The following BHMT variants were observed in gnomAD, a reference collection of about 807,000 sequenced individuals.
BHMT encodes betaine--homocysteine S-methyltransferase 1.
BHMT carries 38 observed loss-of-function variants against 49.5 expected under a neutral mutation model. The ratio of observed to expected loss-of-function variants is 0.77; its 90% CI spans 0.59 to 1.01. The LOEUF is 1.01. Among genes scored for constraint, BHMT ranks in the 50% least tolerant of loss-of-function variants. The probability of loss-of-function intolerance (pLI) is 0.00; values close to 1 mark genes in which losing one functional copy is unlikely to be tolerated. For missense variants in BHMT, 426 were observed against 495.7 expected (o/e 0.86, Z 1.34); for synonymous variants, 166 against 176.3 (o/e 0.94, Z 0.46).
chr5:79,117,621 TTACTC>T (rs1390100122), intron 2 of BHMT, among the ~76,000 whole-genome samples: 1 of 152,232 alleles, frequency 6.6e-6, no homozygotes, highest in Admixed American at 6.5e-5. Flanking sequence ...TATGTTCCAG[TTACTC>T]TACTCTACTA....
Position 79,127,842 on chromosome 5 carries a change from G to T in BHMT, c.896G>T (p.Cys299Phe), listed in dbSNP as rs776616006. 3 of 1,614,092 alleles carry T rather than the reference G, an allele frequency of 1.9e-6. No individual in the cohort carries two copies. Among genetic ancestry groups the T allele is most frequent in the Non-Finnish European group, 2.5e-6 (3 of 1,179,986 alleles). Residue 299 changes from cysteine to phenylalanine, a missense_variant, in exon 7 of 8, where the codon TGC becomes TTC. Cys to Phe is a radical substitution (Grantham distance 205). Transcript: ENST00000274353. ...YNLGVRYIGG[C>F]CGFEPYHIRA... ...CTGGGGGTCAGGTACATTGGCGGGT[G>T]CTGTGGATTTGAGCCCTACCACATC...
chr5:79,125,804 G>A (rs963163919), intron 5 of BHMT, among the ~76,000 whole-genome samples: 1 of 152,030 alleles, frequency 6.6e-6, no homozygotes, highest in African/African-American at 2.4e-5. Flanking sequence ...TTAGCCAGAC[G>A]TGGTGGCACA....
chr5:79,116,150 C>T (rs578139197), intron 2 of BHMT: 4 of 306,246 alleles, frequency 1.3e-5, no homozygotes, highest in Non-Finnish European at 2.3e-5. Flanking sequence ...CTATTTTATG[C>T]AAATGATTTT....
At chr5:79,112,433 C>G (rs1756317040) in intron 1 of BHMT, among the ~76,000 whole-genome samples, 1 of 152,220 alleles carries the variant, frequency 6.6e-6, no homozygotes, top group Non-Finnish European at 1.5e-5. Flanking sequence ...CCCGGCGCGC[C>G]CAGAACAGGG....
At chr5:79,125,150 A>T (rs937889340) in intron 5 of BHMT, among the ~76,000 whole-genome samples, 3 of 151,708 alleles carry the variant, frequency 2.0e-5, no homozygotes, top group African/African-American at 7.2e-5. Flanking sequence ...AATTCTAATA[A>T]TTTTTTTTTG....
At chr5:79,124,940 T>C (rs1756527367) in intron 5 of BHMT, among the ~76,000 whole-genome samples, 1 of 152,172 alleles carries the variant, frequency 6.6e-6, no homozygotes, top group Non-Finnish European at 1.5e-5. Flanking sequence ...TTTTTCTAAA[T>C]TACATTCTGC....
In BHMT at chr5:79,131,517, T is replaced by C. The variant is rs1211599868; in HGVS notation, c.*401T>C. The C allele has an allele frequency of 6.4e-6, 1 of 155,468 alleles. No individual in the cohort carries two copies. The highest frequency in any genetic ancestry group is 6.5e-5 in the Admixed American group (1 of 15,408). The allele number at this position is 155,468 out of a possible 1,614,324, so 9.6% of individuals were successfully genotyped here. ...CAGATAAAGCGCTATGGAAAGGGGCTTCCAAGTTCTTTTGAACATGACCCT... is the reference window on the plus strand; with the variant it reads ...CAGATAAAGCGCTATGGAAAGGGGCCTCCAAGTTCTTTTGAACATGACCCT... On this transcript the variant is annotated 3_prime_UTR_variant, in exon 8 of 8. Transcript: ENST00000274353.
At chr5:79,117,704 A>G (rs1756407038) in intron 2 of BHMT, among the ~76,000 whole-genome samples, 1 of 152,216 alleles carries the variant, frequency 6.6e-6, no homozygotes, top group African/African-American at 2.4e-5. Flanking sequence ...TAAGAACTTC[A>G]GTGTCCTAGT....
At chr5:79,125,661 G>A (rs2112730788) in intron 5 of BHMT, among the ~76,000 whole-genome samples, 1 of 152,194 alleles carries the variant, frequency 6.6e-6, no homozygotes, top group East Asian at 1.9e-4. Flanking sequence ...CTTCCTGCTG[G>A]GTGTGGTGGC....
At chr5:79,128,742 C>T (rs1756593344) in intron 7 of BHMT, among the ~76,000 whole-genome samples, 1 of 151,956 alleles carries the variant, frequency 6.6e-6, no homozygotes, top group South Asian at 2.1e-4. Flanking sequence ...GCAAATAAGA[C>T]AGGCAAGGTC....
chr5:79,126,918 G>A (rs1246484440), intron 6 of BHMT, among the ~76,000 whole-genome samples: 1 of 151,826 alleles, frequency 6.6e-6, no homozygotes, highest in Non-Finnish European at 1.5e-5. Context: ...TCCTTCTAAG[G>A]TCTTTACACC....
chr5:79,121,090 G>T, intron 4 of BHMT, 128 bp from the exon 5 acceptor site: 3 of 1,131,624 alleles, frequency 2.7e-6, no homozygotes, highest in Admixed American at 2.4e-5. Flanking sequence ...GGCAAATGTT[G>T]CAGTGAGCCG....
At chr5:79,116,702 A>G (rs1756390256) in intron 2 of BHMT, among the ~76,000 whole-genome samples, 1 of 152,180 alleles carries the variant, frequency 6.6e-6, no homozygotes, top group South Asian at 2.1e-4. Context: ...CTAATCTCCA[A>G]CTATGCCATG....
At chr5:79,123,738 G>A (rs1339230375) in intron 5 of BHMT, among the ~76,000 whole-genome samples, 1 of 152,066 alleles carries the variant, frequency 6.6e-6, no homozygotes, top group Non-Finnish European at 1.5e-5. Flanking sequence ...TTTTAGTAGA[G>A]ACGGGGTTTC....
chr5:79,112,192 T>A (rs1179329708), intron 1 of BHMT, among the ~76,000 whole-genome samples: 1 of 151,958 alleles, frequency 6.6e-6, no homozygotes, highest in Non-Finnish European at 1.5e-5. Flanking sequence ...TGGACCAGAG[T>A]GCGCCCCAGA....
chr5:79,126,092 T>G lies in BHMT; in HGVS notation c.672T>G (p.Ser224Arg). The G allele has an allele frequency of 6.2e-7, 1 of 1,612,640 alleles. No individual in the cohort carries two copies. Among genetic ancestry groups the G allele is most frequent in the Non-Finnish European group, 8.5e-7 (1 of 1,178,776 alleles). ...ACTGCCACTTTGACCCCACCATTAG[T>G]TTAAAAACAGTGAAGCTCATGAAGG... is the stretch of plus-strand genomic sequence containing the variant. ...GVNCHFDPTI[S>R]LKTVKLMKEG... is the part of the protein sequence containing the mutation. Residue 224 changes from serine to arginine, a missense_variant, in exon 6 of 8, where the codon AGT becomes AGG. Physicochemically the swap from Ser to Arg is moderately radical, Grantham distance 110 (BLOSUM62 -1). Transcript: ENST00000274353.
intron 5 of BHMT, among the ~76,000 whole-genome samples, chr5:79,121,590 G>T (rs570796640): frequency 6.6e-6 from 1 of 152,092 alleles, no homozygotes; most frequent in Non-Finnish European, 1.5e-5. Context: ...AGAGACGGGT[G>T]GATCATGAGG....
At chr5:79,115,703 T>C (rs1756377198) in intron 1 of BHMT, 64 bp from the exon 2 acceptor site, 2 of 1,457,496 alleles carry the variant, frequency 1.4e-6, no homozygotes, top group South Asian at 1.6e-5. Context: ...GCAAAAGTAA[T>C]AAAAATAGAA....
intron 2 of BHMT, among the ~76,000 whole-genome samples, chr5:79,118,764 C>G (rs1756422975): frequency 6.6e-6 from 1 of 152,194 alleles, no homozygotes; most frequent in Non-Finnish European, 1.5e-5. Context: ...CCTTCTCTGC[C>G]TGGCAGTAGC....
Sources: allele counts gnomAD v4.1 joint callset (sites outside exome capture counted in the v4.1 genomes callset), GRCh38; gene constraint gnomAD v4.1.1; transcripts MANE v1.5; gene names NCBI Gene and HGNC (gene_info 2026-07-23, HGNC 2026-07-21).